Variants in ARHGAP44 observed in about 807,000 individuals in gnomAD.
The protein encoded by ARHGAP44 is rho GTPase-activating protein 44.
Under a neutral mutation model 106.8 loss-of-function variants are expected in ARHGAP44, and 43 were observed. The observed-to-expected ratio is 0.40, with a 90% CI of 0.32 to 0.52. The LOEUF is 0.52. Ranked by LOEUF, ARHGAP44 falls within the 20% of genes least tolerant of loss-of-function variation. The pLI is 0.48. For synonymous variants in ARHGAP44, 439 were observed against 410.3 expected (o/e 1.07, Z -0.85); for missense variants, 866 against 1,050.5 (o/e 0.82, Z 2.43).
chr17:12,871,184 G>A (rs1443129993), intron 1 of ARHGAP44, among the ~76,000 whole-genome samples: 1 of 152,140 alleles, frequency 6.6e-6, no homozygotes, highest in Non-Finnish European at 1.5e-5. Flanking sequence ...GTAACATGTT[G>A]ATTACCACCT....
chr17:12,973,839 G>A, intron 17 of ARHGAP44: 1 of 570,808 alleles, frequency 1.8e-6, no homozygotes, highest in South Asian at 2.1e-5. Flanking sequence ...GCTGCCGACT[G>A]TGCCCTGCTC....
At chr17:12,841,636 A>AAAAAAAAAAAAAAG (rs1567642381) in intron 1 of ARHGAP44, among the ~76,000 whole-genome samples, 5 of 110,902 alleles carry the variant, frequency 4.5e-5, no homozygotes, top group African/African-American at 1.5e-4. Flanking sequence ...ACACACACAC[A>AAAAAAAAAAAAAAG]CACAAACAAA....
intron 1 of ARHGAP44, among the ~76,000 whole-genome samples, chr17:12,871,508 G>A (rs541292774): frequency 6.6e-6 from 1 of 152,058 alleles, no homozygotes; most frequent in Admixed American, 6.6e-5. Flanking sequence ...CATGTCTTAT[G>A]TAGCCAGAGC....
At chr17:12,795,785 G>T (rs1012502767) in intron 1 of ARHGAP44, among the ~76,000 whole-genome samples, 1 of 152,066 alleles carries the variant, frequency 6.6e-6, no homozygotes. Context: ...AGAGAGTCAG[G>T]CCTCTTCCCT....
At position 12,836,743 on chromosome 17, in the gene ARHGAP44, C is replaced by T. The variant is rs569101256; in HGVS notation, c.53+46852C>T. Among the ~76,000 whole-genome samples, 244 of 152,212 alleles carry T rather than the reference C, an allele frequency of 1.6e-3. 4 individuals carry two copies. The highest frequency in any genetic ancestry group is 0.015 in the Admixed American group (231 of 15,288). ...AACACACAATAATCCTATGTGTCTACGCACCTGAGAACAGAGGCTCAAAAT... is the reference window on the plus strand; with the variant it reads ...AACACACAATAATCCTATGTGTCTATGCACCTGAGAACAGAGGCTCAAAAT... On this transcript the variant is annotated intron_variant, in intron 1 of 20. Coordinates refer to ENST00000379672, the MANE Select transcript of ARHGAP44 (RefSeq NM_014859.6).
Position 12,969,615 on chromosome 17 carries a change from A to G in ARHGAP44, c.1524-3687A>G, listed in dbSNP as rs1332524605. The stretch of plus-strand genomic sequence containing the variant: ...TGTGGAGTCACCACGTTATACCCAA[A>G]AAACACAAGCCAGATACTAGGCCTT... On this transcript the variant is annotated intron_variant, in intron 16 of 20. Transcript: ENST00000379672. Among the ~76,000 whole-genome samples, 3 of 152,298 alleles carry G rather than the reference A, an allele frequency of 2.0e-5. No individual in the cohort carries two copies. In the East Asian group the frequency reaches 5.8e-4, roughly 29 times the overall value.
chr17:12,926,969 T>C (rs1391202396), intron 6 of ARHGAP44, among the ~76,000 whole-genome samples: 5 of 152,230 alleles, frequency 3.3e-5, no homozygotes, highest in Non-Finnish European at 5.9e-5. Flanking sequence ...CACAACACTT[T>C]AATACTTTAT....
intron 1 of ARHGAP44, among the ~76,000 whole-genome samples, chr17:12,880,374 A>T (rs187342760): frequency 6.6e-6 from 1 of 152,236 alleles, no homozygotes; most frequent in East Asian, 1.9e-4. Flanking sequence ...ATCATTAAAA[A>T]TTTTGTATTT....
chr17:12,920,526 C>T (rs2038051802), intron 6 of ARHGAP44, among the ~76,000 whole-genome samples: 1 of 152,024 alleles, frequency 6.6e-6, no homozygotes, highest in Non-Finnish European at 1.5e-5. Context: ...GGCAGCCTTA[C>T]AGAGATCTGG....
At chr17:12,891,556 C>A (rs543731072) in intron 1 of ARHGAP44, among the ~76,000 whole-genome samples, 1 of 152,256 alleles carries the variant, frequency 6.6e-6, no homozygotes, top group East Asian at 1.9e-4. Flanking sequence ...GGTTGTGTCC[C>A]CTTACCCATA....
At chr17:12,801,045 G>T (rs1307659699) in intron 1 of ARHGAP44, among the ~76,000 whole-genome samples, 4 of 152,014 alleles carry the variant, frequency 2.6e-5, no homozygotes, top group African/African-American at 9.7e-5. Context: ...CTTTCACTTT[G>T]TTTTTTTTAT....
Position 12,949,199 on chromosome 17 carries a change from C to G in ARHGAP44, c.921C>G (p.Asp307Glu). The change falls in exon 11 of 21, where the codon GAC (aspartate) becomes GAG (glutamate). Residue 307 changes from aspartate (D) to glutamate (E), a missense_variant. Transcript: ENST00000379672. This position sits in a 1 kb window ranked among gnomAD's most constrained non-coding sequence, Gnocchi z 4.1. The part of the protein sequence containing the change: ...SKLKKLKAAL[D>E]CCVVDVQEYS... ...TGAAGAAGCTGAAAGCGGCCCTGGA[C>G]TGCTGCGTGGTGGATGTGCAGGAGT... 6.3e-7 allele frequency: 1 copy of G among 1,582,058 alleles called. No individual in the cohort carries two copies. The highest frequency in any genetic ancestry group is 8.6e-7 in the Non-Finnish European group (1 of 1,164,230).
chr17:12,868,101 G>A (rs1020012623), intron 1 of ARHGAP44, among the ~76,000 whole-genome samples: 2 of 152,174 alleles, frequency 1.3e-5, no homozygotes, highest in African/African-American at 4.8e-5. Context: ...GTGCTACAAA[G>A]ACTCTTTCCT....
chr17:12,816,828 C>G (rs757378133), intron 1 of ARHGAP44, among the ~76,000 whole-genome samples: 168 of 152,144 alleles, frequency 1.1e-3, no homozygotes, highest in Non-Finnish European at 2.1e-3. Flanking sequence ...CTTTGACACT[C>G]CTGTCTTAGT....
intron 1 of ARHGAP44, among the ~76,000 whole-genome samples, chr17:12,841,689 G>A (rs1011235456): frequency 1.3e-5 from 2 of 150,422 alleles, no homozygotes; most frequent in African/African-American, 2.5e-5. Flanking sequence ...GGAGGGACAC[G>A]CAGGGGCTCC....
intron 1 of ARHGAP44, among the ~76,000 whole-genome samples, chr17:12,809,835 G>C (rs1345231989): frequency 6.6e-6 from 1 of 152,208 alleles, no homozygotes; most frequent in Admixed American, 6.5e-5. Flanking sequence ...GGAACTTGCG[G>C]GAGCAGTGGG....
intron 4 of ARHGAP44, among the ~76,000 whole-genome samples, chr17:12,912,868 G>A (rs7207659): frequency 0.14 from 21,258 of 152,202 alleles, 3,043 homozygotes; most frequent in African/African-American, 0.35. Context: ...CGTGGCCTCA[G>A]AAATTGACTT....
chr17:12,889,831 A>T (rs750264929), intron 1 of ARHGAP44, among the ~76,000 whole-genome samples: 79 of 152,334 alleles, frequency 5.2e-4, no homozygotes, highest in Middle Eastern at 3.4e-3. Flanking sequence ...GTGGAGGGAA[A>T]GACATGGGAT....
chr17:12,897,747 T>G (rs1244722868), intron 3 of ARHGAP44, among the ~76,000 whole-genome samples: 1 of 148,198 alleles, frequency 6.7e-6, no homozygotes, highest in Non-Finnish European at 1.5e-5. Flanking sequence ...AGAAGCACTA[T>G]TTTTAAAATA....
Sources: allele counts gnomAD v4.1 joint callset (sites outside exome capture counted in the v4.1 genomes callset), GRCh38; gene constraint gnomAD v4.1.1; non-coding constraint Gnocchi (gnomAD v3.1); transcripts MANE v1.5; gene names NCBI Gene and HGNC (gene_info 2026-07-23, HGNC 2026-07-21).